Variants in PI16 observed in about 807,000 individuals in gnomAD.
The protein encoded by PI16 is peptidase inhibitor 16.
In PI16, 35 loss-of-function variants were observed where a neutral mutation model predicts 38.0. The ratio of observed to expected loss-of-function variants is 0.92; its 90% CI spans 0.70 to 1.22. The LOEUF (loss-of-function observed/expected upper bound fraction) is 1.22. Among genes scored for constraint, PI16 ranks in the 50% most tolerant of loss-of-function variants. The pLI is 0.00. For synonymous variants in PI16, 275 were observed against 252.9 expected (o/e 1.09, Z -0.83); for missense variants, 572 against 593.8 (o/e 0.96, Z 0.38).
chr6:36,962,580 TCTC>T lies in PI16; in HGVS notation c.593-352_593-350del, dbSNP rs1270263860. Among the ~76,000 whole-genome samples the T allele has an allele frequency of 1.3e-5, 2 of 152,084 alleles. No individual in the cohort carries two copies. Among genetic ancestry groups the T allele is most frequent in the African/African-American group, 4.8e-5 (2 of 41,412 alleles). ...CCTCCGCCTCCCGGTTTGAAGCAAT[TCTC>T]CTGCCTCAGCCTTCCGAGTAGCTGG... On this transcript the variant is annotated intron_variant, in intron 4 of 6. Transcript: ENST00000373674. The surrounding 1 kb of genome is among the most constrained non-coding windows in gnomAD (Gnocchi z 4.1).
rs371784885 is a variant in PI16, at chr6:36,963,575, G to A, written c.1233G>A (p.Thr411=). 1.5e-5 allele frequency: 24 copies of A among 1,614,068 alleles called. No homozygotes were observed. Among genetic ancestry groups the A allele is most frequent in the African/African-American group, 2.7e-5 (2 of 74,942 alleles). Residue 411 remains threonine (T), a synonymous_variant, in exon 5 of 7, where the codon ACG becomes ACA. Coordinates refer to ENST00000373674, the MANE Select transcript of PI16 (RefSeq NM_153370.3). ...FPNTSATANA[T]GGRALALQSS... ...ATACCTCTGCCACCGCTAATGCCAC[G>A]GGTGGGCGTGCCCTGGCTCTGCAGT...
At chr6:36,961,278 TC>T (rs2150738565) in intron 2 of PI16, among the ~76,000 whole-genome samples, 172 bp from the exon 3 acceptor site, 1 of 152,202 alleles carries the variant, frequency 6.6e-6, no homozygotes, top group East Asian at 1.9e-4. Context: ...AACTCCCCCA[TC>T]CCTCCCCCTG....
At chr6:36,963,740 C>CCCCA in intron 5 of PI16, 83 bp from the exon 6 acceptor site, 1 of 1,531,680 alleles carries the variant, frequency 6.5e-7, no homozygotes, top group Non-Finnish European at 8.8e-7. Context: ...CTGGCTGCTG[C>CCCCA]CCCACCTCCT....
At position 36,963,932 on chromosome 6, in the gene PI16, T is replaced by C. The variant is rs1038153578; in HGVS notation, c.1380T>C (p.Ala460=). The part of the protein sequence containing the change: ...GLLLLPPLVL[A]GIF ...TGCTCCTGCCTCCTCTGGTGTTGGCTGGAATCTTCTGAAGGGGATACCACT... is the reference window on the plus strand; with the variant it reads ...TGCTCCTGCCTCCTCTGGTGTTGGCCGGAATCTTCTGAAGGGGATACCACT... The change falls in exon 6 of 7, where the codon GCT becomes GCC. Residue 460 remains alanine, a synonymous_variant. Transcript: ENST00000373674. 1 of 1,613,050 alleles carries C rather than the reference T, an allele frequency of 6.2e-7. No homozygotes were observed. Among genetic ancestry groups the C allele is most frequent in the African/African-American group, 1.3e-5 (1 of 75,008 alleles).
intron 2 of PI16, 104 bp from the exon 3 acceptor site, chr6:36,961,347 G>T (rs1046979237): frequency 2.2e-6 from 2 of 927,500 alleles, no homozygotes; most frequent in Admixed American, 1.7e-5. Context: ...ACAGGCTATA[G>T]GGTGCCTCTT....
Position 36,962,073 on chromosome 6 carries a change from C to G in PI16, c.592+99C>G, listed in dbSNP as rs1012254678. ...CTCCCTGGACTGAGCGGGACGTGGG[C>G]AGGGAAGGAGCCTGGTGGGATGCGA... On this transcript the variant is annotated intron_variant, in intron 4 of 6. Coordinates refer to ENST00000373674, the MANE Select transcript of PI16 (RefSeq NM_153370.3). The surrounding 1 kb of genome is among the most constrained non-coding windows in gnomAD (Gnocchi z 4.1). The G allele has an allele frequency of 6.7e-6, 7 of 1,042,648 alleles. No homozygotes were observed. Among genetic ancestry groups the G allele is most frequent in the Non-Finnish European group, 1.0e-5 (7 of 681,156 alleles). 64.6% of individuals were successfully genotyped at this position (1,042,648 alleles called of 1,614,324 possible).
chr6:36,948,619 T>TCC (rs1763049015), intron 1 of PI16, among the ~76,000 whole-genome samples: 1 of 67,816 alleles, frequency 1.5e-5, no homozygotes, highest in East Asian at 3.7e-4. Flanking sequence ...TCTTTTTTTT[T>TCC]TTCCTTCCTT....
intron 3 of PI16, 130 bp from the exon 4 acceptor site, chr6:36,961,756 G>A (rs770414181): frequency 4.0e-5 from 38 of 946,304 alleles, no homozygotes; most frequent in Middle Eastern, 2.5e-4. Flanking sequence ...GCCCAAGTTC[G>A]CCCAGCAAGT....
upstream of PI16, among the ~76,000 whole-genome samples, chr6:36,949,774 A>C (rs1176627152): frequency 6.6e-6 from 1 of 151,960 alleles, no homozygotes; most frequent in Non-Finnish European, 1.5e-5. Flanking sequence ...AGATTGTTCT[A>C]TTATCTCAAG....
chr6:36,958,815 T>A (rs1763271037), intron 1 of PI16, among the ~76,000 whole-genome samples: 1 of 152,148 alleles, frequency 6.6e-6, no homozygotes, highest in Admixed American at 6.5e-5. Context: ...CAGGGGCATG[T>A]ATGGCCACCT....
rs1342747341 is a variant in PI16, at chr6:36,963,170, G to A, written c.828G>A (p.Met276Ile). The change falls in exon 5 of 7, where the codon ATG becomes ATA. Residue 276 changes from methionine to isoleucine, a missense_variant. Physicochemically the swap from Met to Ile is conservative, Grantham distance 10. Coordinates refer to ENST00000373674, the MANE Select transcript of PI16 (RefSeq NM_153370.3). ...TAGCAACGAAAGACCCGCCCTCCAT[G>A]GCAACAGAGGCTCCACCTTGCGTAA... ...TSLATKDPPS[M>I]ATEAPPCVTT... 6.2e-7 allele frequency: 1 copy of A among 1,614,202 alleles called. No homozygotes were observed. The highest frequency in any genetic ancestry group is 8.5e-7 in the Non-Finnish European group (1 of 1,180,032).
upstream of PI16, chr6:36,954,488 G>T (rs935880099): frequency 2.6e-6 from 1 of 390,974 alleles, no homozygotes; most frequent in Non-Finnish European, 4.6e-6. Flanking sequence ...GCCCCTGAAG[G>T]ATCTGTCCAC....
chr6:36,951,337 C>T (rs1763096872), upstream of PI16, among the ~76,000 whole-genome samples: 1 of 149,440 alleles, frequency 6.7e-6, no homozygotes. Context: ...GCAGCCTTGA[C>T]CTCCCAGGCC....
In PI16 at chr6:36,963,097, T is replaced by C; in HGVS notation, c.755T>C (p.Leu252Pro). The C allele has an allele frequency of 6.2e-7, 1 of 1,614,244 alleles. No individual in the cohort carries two copies. Among genetic ancestry groups the C allele is most frequent in the Non-Finnish European group, 8.5e-7 (1 of 1,180,038 alleles). ...TTGGTAACAGAGGTCTCAGGCTCCC[T>C]GGCAACCAAGGCTCTGCCTGCTGTG... ...AFLVTEVSGS[L>P]ATKALPAVET... Residue 252 changes from leucine to proline, a missense_variant, in exon 5 of 7, where the codon CTG (leucine) becomes CCG (proline). By Grantham distance (98) the Leu-to-Pro change is moderately conservative. Coordinates refer to ENST00000373674, the MANE Select transcript of PI16 (RefSeq NM_153370.3).
chr6:36,954,924 T>C lies in PI16; in HGVS notation c.164T>C (p.Leu55Pro), dbSNP rs1339929300. ...GTATCCCCGACGGCCTCAGACATGC[T>C]GCACATGGTAAGTGTGGCCACGGCC... The part of the protein sequence containing the change: ...AQVSPTASDM[L>P]HMRWDEELAA... The change falls in exon 1 of 7, where the codon CTG (leucine) becomes CCG (proline). Residue 55 changes from leucine to proline, a missense_variant. Coordinates refer to ENST00000373674, the MANE Select transcript of PI16 (RefSeq NM_153370.3). 13 of 1,612,900 alleles carry C rather than the reference T, an allele frequency of 8.1e-6. No individual in the cohort carries two copies. Among genetic ancestry groups the C allele is most frequent in the Non-Finnish European group, 1.1e-5 (13 of 1,179,898 alleles).
chr6:36,952,017 C>T (rs67148509), upstream of PI16, among the ~76,000 whole-genome samples: 43,227 of 106,040 alleles, frequency 0.41, 6,705 homozygotes, highest in Middle Eastern at 0.49. Flanking sequence ...TTTTTTTTTT[C>T]TTTTGAGACT....
chr6:36,960,515 G>T (rs1763332734), intron 2 of PI16, among the ~76,000 whole-genome samples: 1 of 151,952 alleles, frequency 6.6e-6, no homozygotes, highest in South Asian at 2.1e-4. Flanking sequence ...TCTTTTTCAT[G>T]GTATTTTTAG....
At position 36,963,906 on chromosome 6, in the gene PI16, C is replaced by G; in HGVS notation, c.1354C>G (p.Leu452Val). 1 of 1,613,886 alleles carries G rather than the reference C, an allele frequency of 6.2e-7. No homozygotes were observed. The highest frequency in any genetic ancestry group is 8.5e-7 in the Non-Finnish European group (1 of 1,179,940). ...TGTGTGGGGCCCTCTCCTGGGACTA[C>G]TGCTCCTGCCTCCTCTGGTGTTGGC... Reference protein sequence around the residue: ...GHVWGPLLGLLLLPPLVLAGI... With the variant: ...GHVWGPLLGLVLLPPLVLAGI... Residue 452 changes from leucine to valine, a missense_variant, in exon 6 of 7, where the codon CTG becomes GTG. Physicochemically the swap from Leu to Val is conservative, Grantham distance 32 (BLOSUM62 1). Coordinates refer to ENST00000373674, the MANE Select transcript of PI16 (RefSeq NM_153370.3).
rs750564019 is a variant in PI16 at position 36,954,777 on chromosome 6, G to C, written c.17G>C (p.Ser6Thr). 1 of 1,613,426 alleles carries C rather than the reference G, an allele frequency of 6.2e-7. No homozygotes were observed. The highest frequency in any genetic ancestry group is 1.1e-5 in the South Asian group (1 of 91,056). The change falls in exon 1 of 7, where the codon AGT (serine) becomes ACT (threonine). Residue 6 changes from serine to threonine, a missense_variant. Coordinates refer to ENST00000373674, the MANE Select transcript of PI16 (RefSeq NM_153370.3). ...CTGGCCACCATGCACGGCTCCTGCA[G>C]TTTCCTGATGCTTCTGCTGCCGCTA... is the stretch of plus-strand genomic sequence containing the variant. Reference protein sequence around the residue: MHGSCSFLMLLLPLLL... With the variant: MHGSCTFLMLLLPLLL...
Sources: gnomAD v4.1 joint callset for allele counts (sites outside exome capture counted in the v4.1 genomes callset) on GRCh38, gnomAD v4.1.1 for gene constraint, Gnocchi (gnomAD v3.1) non-coding constraint, MANE v1.5 for transcripts, NCBI Gene and HGNC (gene_info 2026-07-23, HGNC 2026-07-21) for gene names.